Variants in ZNF500 observed in about 807,000 individuals in gnomAD.
The protein encoded by ZNF500 is zinc finger protein with KRAB and SCAN domains 18.
A neutral mutation model predicts 30.1 loss-of-function variants in ZNF500; 31 were observed. The observed-to-expected ratio is 1.03, with a 90% CI of 0.77 to 1.39. The LOEUF (loss-of-function observed/expected upper bound fraction) is 1.39, where lower values mean the gene tolerates loss of function less well. Ranked by LOEUF, ZNF500 falls within the 40% of genes most tolerant of loss-of-function variation. The pLI, the probability that ZNF500 is intolerant of heterozygous loss-of-function variation, is 0.00. For synonymous variants in ZNF500, 392 were observed against 282.0 expected (o/e 1.39, Z -3.91); for missense variants, 817 against 657.8 (o/e 1.24, Z -2.65).
downstream of ZNF500, chr16:4,747,020 G>A: frequency 6.5e-7 from 1 of 1,531,190 alleles, no homozygotes. Flanking sequence ...CCTCCCTGGG[G>A]CTACGGTAAC....
At chr16:4,764,422 A>T (rs1163817885) in intron 2 of ZNF500, among the ~76,000 whole-genome samples, 1 of 152,150 alleles carries the variant, frequency 6.6e-6, no homozygotes, top group African/African-American at 2.4e-5. Context: ...GCTACTTGGG[A>T]GGCTGAGGCA....
At chr16:4,763,945 A>G in intron 2 of ZNF500, 1 of 985,464 alleles carries the variant, frequency 1.0e-6, no homozygotes, top group Non-Finnish European at 1.2e-6. Flanking sequence ...AGCACTGCCC[A>G]TGTGCCCCAT....
rs1361097694 is a variant in ZNF500, at chr16:4,750,049, C to T, written c.*2327G>A. ...CGGCAGGGGGAGGGAAGTGGGCAGA[C>T]CCCAACCACACTCCCCCAGAGGCCG... On this transcript the variant is annotated 3_prime_UTR_variant, in exon 6 of 6. Coordinates refer to ENST00000219478, the MANE Select transcript of ZNF500 (RefSeq NM_021646.4). 1 of 152,612 alleles carries T rather than the reference C, an allele frequency of 6.6e-6. No individual in the cohort carries two copies. Among genetic ancestry groups the T allele is most frequent in the Non-Finnish European group, 1.5e-5 (1 of 68,460 alleles). 9.5% of individuals were successfully genotyped at this position (152,612 alleles called of 1,614,324 possible).
chr16:4,746,191 T>C (rs737697), downstream of ZNF500: 363,925 of 575,624 alleles, frequency 0.63, 116,531 homozygotes, highest in East Asian at 0.69. Flanking sequence ...TGTTGGCCAG[T>C]GGTGGCCTAA....
chr16:4,745,952 CAAAAA>C (rs58259917), downstream of ZNF500, among the ~76,000 whole-genome samples: 3 of 113,506 alleles, frequency 2.6e-5, no homozygotes, highest in Admixed American at 9.6e-5. Flanking sequence ...GACTCTGTCT[CAAAAA>C]AAAAAAAAAA....
At chr16:4,754,378 G>A (rs577529848) in intron 5 of ZNF500, among the ~76,000 whole-genome samples, 3 of 152,256 alleles carry the variant, frequency 2.0e-5, no homozygotes, top group East Asian at 3.9e-4. Context: ...ACTGAGAGGA[G>A]GCCGGGCATG....
In ZNF500 at chr16:4,752,758, T is replaced by G; in HGVS notation, c.1061A>C (p.Lys354Thr). The G allele has an allele frequency of 3.7e-6, 6 of 1,614,150 alleles. No individual in the cohort carries two copies. The highest frequency in any genetic ancestry group is 5.1e-6 in the Non-Finnish European group (6 of 1,180,012). Residue 354 changes from lysine to threonine, a missense_variant, in exon 6 of 6, where the codon AAG becomes ACG. Lys to Thr is a moderately conservative substitution (Grantham distance 78). Coordinates refer to ENST00000219478, the MANE Select transcript of ZNF500 (RefSeq NM_021646.4). ...AAAGCCCTTCCCACAGACTAGGCAC[T>G]TGTAAGGCCGCTCGCCCGTGTGTGT... ...QRTHTGERPYKCLVCGKGFSD... is the reference protein window; with the variant it reads ...QRTHTGERPYTCLVCGKGFSD...
At chr16:4,766,102 G>A (rs1567543470) in intron 1 of ZNF500, 26 bp from the exon 2 acceptor site, 10 of 1,194,162 alleles carry the variant, frequency 8.4e-6, no homozygotes, top group Non-Finnish European at 1.1e-5. Context: ...AAAACCATCT[G>A]AAGGGCAGCC....
intron 2 of ZNF500, among the ~76,000 whole-genome samples, chr16:4,765,156 G>C (rs1406593756): frequency 1.3e-5 from 2 of 152,054 alleles, no homozygotes; most frequent in African/African-American, 4.8e-5. Context: ...CACAAAATTA[G>C]CAGGTGTAGT....
chr16:4,746,364 T>C, downstream of ZNF500: 1 of 1,608,176 alleles, frequency 6.2e-7, no homozygotes, highest in East Asian at 2.2e-5. Context: ...CACCTGCTTT[T>C]CTCATTTCAG....
rs147276198 is a variant in ZNF500, at chr16:4,752,809, G to T, written c.1010C>A (p.Thr337Lys). The change falls in exon 6 of 6, where the codon ACG (threonine) becomes AAG (lysine). Residue 337 changes from threonine (T) to lysine (K), a missense_variant. Physicochemically the swap from Thr to Lys is moderately conservative, Grantham distance 78. Coordinates refer to ENST00000219478, the MANE Select transcript of ZNF500 (RefSeq NM_021646.4). The part of the protein sequence containing the change: ...CPECGKGFSK[T>K]SHLTKHQRTH... ...GCGCTGGTGCTTGGTCAAGTGGGAC[G>T]TCTTGCTGAAGCCTTTGCCACATTC... is the stretch of plus-strand genomic sequence containing the variant. 2 of 1,614,128 alleles carry T rather than the reference G, an allele frequency of 1.2e-6. No homozygotes were observed. The highest frequency in any genetic ancestry group is 1.7e-6 in the Non-Finnish European group (2 of 1,180,038).
Position 4,760,603 on chromosome 16 carries a change from C to T in ZNF500, c.664-15G>A, listed in dbSNP as rs779173472. 1 of 1,611,650 alleles carries T rather than the reference C, an allele frequency of 6.2e-7. No individual in the cohort carries two copies. The highest frequency in any genetic ancestry group is 1.1e-5 in the South Asian group (1 of 90,716). On this transcript the variant is annotated splice_polypyrimidine_tract_variant and intron_variant, in intron 4 of 5. Coordinates refer to ENST00000219478, the MANE Select transcript of ZNF500 (RefSeq NM_021646.4). ...TTCACGGGCACCTGCCAGAACGCAC[C>T]CCACTCAGTCCTGGCCCCAAGCAAG...
At chr16:4,757,152 T>C (rs73511092) in intron 5 of ZNF500, among the ~76,000 whole-genome samples, 3,087 of 152,280 alleles carry the variant, frequency 0.02, 113 homozygotes, top group African/African-American at 0.071. Context: ...TACTGAAATA[T>C]GGCTAATTTT....
At position 4,750,309 on chromosome 16, in the gene ZNF500, G is replaced by A. The variant is rs1161065876; in HGVS notation, c.*2067C>T. On this transcript the variant is annotated 3_prime_UTR_variant, in exon 6 of 6. Coordinates refer to ENST00000219478, the MANE Select transcript of ZNF500 (RefSeq NM_021646.4). ...CACAGGACAGAGCACACAGGGGCCA[G>A]AAGCAATGACTTAAAAAAAAAATTG... The A allele has an allele frequency of 1.3e-5, 2 of 152,236 alleles. No homozygotes were observed. Among genetic ancestry groups the A allele is most frequent in the African/African-American group, 4.8e-5 (2 of 41,434 alleles). 9.4% of individuals were successfully genotyped at this position (152,236 alleles called of 1,614,324 possible).
intron 5 of ZNF500, chr16:4,756,463 GAC>G (rs1383383873): frequency 6.6e-6 from 1 of 152,070 alleles, no homozygotes; most frequent in Non-Finnish European, 1.5e-5. Context: ...CAACCTGGGT[GAC>G]AGAGTGAAAC....
At position 4,751,914 on chromosome 16, in the gene ZNF500, A is replaced by AC; in HGVS notation, c.*461_*462insG. On this transcript the variant is annotated 3_prime_UTR_variant, in exon 6 of 6. Transcript: ENST00000219478. ...CACAGCAAGGCCCCGTCTCAAAAAA[A>AC]AAAGGGGGGGGGAGCAGGTGGGGGG... is the stretch of plus-strand genomic sequence containing the variant. 7.1e-6 allele frequency: 2 copies of AC among 282,124 alleles called. No homozygotes were observed. The highest frequency in any genetic ancestry group is 2.8e-3 in the Middle Eastern group (2 of 726). 17.5% of individuals were successfully genotyped at this position (282,124 alleles called of 1,614,324 possible). A position where few individuals can be genotyped will look rare whatever the true frequency, so the allele number is the denominator to read the frequency against.
downstream of ZNF500, chr16:4,746,934 CA>C: frequency 6.4e-7 from 1 of 1,559,716 alleles, no homozygotes; most frequent in Non-Finnish European, 8.7e-7. Context: ...CAGCTCCAGC[CA>C]CAGCTCCTCT....
Position 4,760,526 on chromosome 16 carries a change from G to A in ZNF500, c.726C>T (p.Asp242=), listed in dbSNP as rs1488985031. 3 of 1,613,670 alleles carry A rather than the reference G, an allele frequency of 1.9e-6. No individual in the cohort carries two copies. The African/African-American group carries it at 4.0e-5, about 22-fold the overall frequency. ...CCAGCGGCGCGTCCCGCTGAGCTGG[G>A]TCCATGCATCTTGGCTCCTCCCCAG... ...YLSGEEPRCM[D]PAQRDAPLEN... The change falls in exon 5 of 6, where the codon GAC becomes GAT. Residue 242 remains aspartate, a synonymous_variant. Coordinates refer to ENST00000219478, the MANE Select transcript of ZNF500 (RefSeq NM_021646.4).
chr16:4,761,751 G>A (rs1157183034), intron 4 of ZNF500, among the ~76,000 whole-genome samples: 1 of 139,056 alleles, frequency 7.2e-6, no homozygotes, highest in East Asian at 1.9e-4. Flanking sequence ...AACTAACTGA[G>A]GAGGCTGAGG....
Sources: allele counts gnomAD v4.1 joint callset (sites outside exome capture counted in the v4.1 genomes callset), GRCh38; gene constraint gnomAD v4.1.1; transcripts MANE v1.5; gene names NCBI Gene and HGNC (gene_info 2026-07-23, HGNC 2026-07-21).